Variants in ARHGAP15 observed in about 807,000 individuals in gnomAD.
ARHGAP15 encodes Rho GTPase activating protein 15, also known as rho GTPase-activating protein 15.
A neutral mutation model predicts 63.7 loss-of-function variants in ARHGAP15; 51 were observed. The ratio of observed to expected loss-of-function variants is 0.80; its 90% CI spans 0.64 to 1.01. The LOEUF (loss-of-function observed/expected upper bound fraction) is 1.01. ARHGAP15 is among the 50% of genes least tolerant of loss of function. ARHGAP15 has a pLI of 0.00. For synonymous variants in ARHGAP15, 191 were observed against 193.8 expected (o/e 0.99, Z 0.12); for missense variants, 560 against 564.6 (o/e 0.99, Z 0.08).
intron 13 of ARHGAP15, among the ~76,000 whole-genome samples, chr2:143,716,137 C>T (rs1312922567): frequency 1.3e-5 from 2 of 152,064 alleles, no homozygotes; most frequent in Non-Finnish European, 2.9e-5. Context: ...AACTATGTAA[C>T]AAACCGGCAC....
intron 6 of ARHGAP15, among the ~76,000 whole-genome samples, chr2:143,394,940 T>A (rs1160237324): frequency 1.3e-5 from 2 of 152,052 alleles, no homozygotes; most frequent in African/African-American, 2.4e-5. Flanking sequence ...AATTTGAAAG[T>A]GGTCGAAATT....
intron 12 of ARHGAP15, among the ~76,000 whole-genome samples, chr2:143,682,424 T>C (rs1439024797): frequency 6.6e-6 from 1 of 152,166 alleles, no homozygotes; most frequent in African/African-American, 2.4e-5. Flanking sequence ...GCAATGAATG[T>C]GACTTTAAGA....
At chr2:143,177,046 C>T (rs1352645957) in intron 2 of ARHGAP15, among the ~76,000 whole-genome samples, 1 of 152,164 alleles carries the variant, frequency 6.6e-6, no homozygotes, top group Non-Finnish European at 1.5e-5. Flanking sequence ...CTTAAGGAGT[C>T]ACTTTCTTGG....
intron 6 of ARHGAP15, among the ~76,000 whole-genome samples, chr2:143,286,107 T>A (rs1447994777): frequency 6.6e-6 from 1 of 152,256 alleles, no homozygotes; most frequent in Non-Finnish European, 1.5e-5. Context: ...ATTTTCTGTC[T>A]GTATTTGAGT....
chr2:143,169,576 A>C lies in ARHGAP15; in HGVS notation c.165+13921A>C, dbSNP rs544371698. Among the ~76,000 whole-genome samples, 115 of 152,026 alleles carry C rather than the reference A, an allele frequency of 7.6e-4. 2 individuals are homozygous for C. The highest frequency in any genetic ancestry group is 1.5e-3 in the Non-Finnish European group (103 of 67,974). On this transcript the variant is annotated intron_variant, in intron 2 of 13. Coordinates refer to ENST00000295095, the MANE Select transcript of ARHGAP15 (RefSeq NM_018460.4). ...TCAGGTGGTTATTTGCATAAATGAA[A>C]CTTTGGAACACATTATCCTTTGCTG...
intron 13 of ARHGAP15, among the ~76,000 whole-genome samples, chr2:143,712,194 C>T (rs114801421): frequency 6.2e-4 from 94 of 152,222 alleles, no homozygotes; most frequent in African/African-American, 2.1e-3. Context: ...GTAGATGCAA[C>T]AGAACATGTG....
intron 6 of ARHGAP15, among the ~76,000 whole-genome samples, chr2:143,254,293 C>T (rs1574158872): frequency 6.6e-6 from 1 of 152,136 alleles, no homozygotes; most frequent in Admixed American, 6.6e-5. Flanking sequence ...GGCAGCCTCC[C>T]TCACACAAGC....
chr2:143,176,980 G>A (rs1869009), intron 2 of ARHGAP15, among the ~76,000 whole-genome samples: 50,739 of 151,978 alleles, frequency 0.33, 8,651 homozygotes, highest in South Asian at 0.47. Flanking sequence ...AGGAGCCAGT[G>A]TTCCAAGAGG....
chr2:143,575,229 ATTACT>A (rs1696631287), intron 11 of ARHGAP15, among the ~76,000 whole-genome samples: 1 of 152,114 alleles, frequency 6.6e-6, no homozygotes, highest in African/African-American at 2.4e-5. Flanking sequence ...CACTTTAAAG[ATTACT>A]TTTACTACTT....
rs559012771 is a variant in ARHGAP15 at position 143,755,860 on chromosome 2, G to A, written c.1245-12129G>A. On this transcript the variant is annotated intron_variant, in intron 13 of 13. Coordinates refer to ENST00000295095, the MANE Select transcript of ARHGAP15 (RefSeq NM_018460.4). ...GGGTGCCTGTAATCCTAGCTACTTGGGAGGCTGAGGCAGGAGAATTACTTG... is the reference window on the plus strand; with the variant it reads ...GGGTGCCTGTAATCCTAGCTACTTGAGAGGCTGAGGCAGGAGAATTACTTG... 2.0e-5 allele frequency among the ~76,000 whole-genome samples: 3 copies of A among 152,176 alleles called. No individual in the cohort carries two copies. The East Asian group carries it at 5.8e-4, about 29-fold the overall frequency.
At chr2:143,526,136 T>C (rs757228406) in intron 10 of ARHGAP15, among the ~76,000 whole-genome samples, 1 of 151,496 alleles carries the variant, frequency 6.6e-6, no homozygotes, top group Non-Finnish European at 1.5e-5. Context: ...TTCACATATT[T>C]ATTAGTGACA....
intron 10 of ARHGAP15, among the ~76,000 whole-genome samples, chr2:143,537,197 T>G (rs1694812155): frequency 6.6e-6 from 1 of 152,208 alleles, no homozygotes; most frequent in South Asian, 2.1e-4. Flanking sequence ...TGTCTGTTCA[T>G]ATCCTTTGCC....
intron 6 of ARHGAP15, among the ~76,000 whole-genome samples, chr2:143,359,398 C>G (rs1374535507): frequency 2.6e-5 from 4 of 152,098 alleles, no homozygotes; most frequent in Non-Finnish European, 5.9e-5. Context: ...TCATCAACAC[C>G]TTTCATAATT....
At chr2:143,426,843 A>G (rs567544594) in intron 6 of ARHGAP15, among the ~76,000 whole-genome samples, 2 of 152,312 alleles carry the variant, frequency 1.3e-5, no homozygotes, top group Admixed American at 1.3e-4. Context: ...TTTCATATGT[A>G]TCTTCTGTTC....
At chr2:143,552,856 G>C (rs1695631723) in intron 10 of ARHGAP15, among the ~76,000 whole-genome samples, 2 of 152,130 alleles carry the variant, frequency 1.3e-5, no homozygotes, top group South Asian at 4.1e-4. Flanking sequence ...TCTTGAAAGA[G>C]GTACCTCTCA....
At chr2:143,461,306 A>AAAAAAAAAAT (rs397986108) in intron 8 of ARHGAP15, among the ~76,000 whole-genome samples, 1 of 149,388 alleles carries the variant, frequency 6.7e-6, no homozygotes, top group African/African-American at 2.4e-5. Context: ...AAAAAAAAAA[A>AAAAAAAAAAT]CAGAACTCAA....
At chr2:143,209,150 T>C (rs1692471598) in intron 3 of ARHGAP15, among the ~76,000 whole-genome samples, 1 of 152,176 alleles carries the variant, frequency 6.6e-6, no homozygotes, top group South Asian at 2.1e-4. Flanking sequence ...AATAGTTCTA[T>C]TGATCAAGCT....
chr2:143,441,998 C>T (rs1689903568), intron 8 of ARHGAP15, among the ~76,000 whole-genome samples: 1 of 151,772 alleles, frequency 6.6e-6, no homozygotes, highest in Non-Finnish European at 1.5e-5. Flanking sequence ...ATGATGTGTG[C>T]AATAAGACAA....
intron 3 of ARHGAP15, among the ~76,000 whole-genome samples, chr2:143,202,761 T>G (rs545430585): frequency 3.3e-5 from 2 of 60,202 alleles, no homozygotes; most frequent in Non-Finnish European, 6.6e-5. Flanking sequence ...TAAATGTTGA[T>G]AGTTTTTTTT....
Sources: gnomAD v4.1 joint callset for allele counts (sites outside exome capture counted in the v4.1 genomes callset) on GRCh38, gnomAD v4.1.1 for gene constraint, MANE v1.5 for transcripts, NCBI Gene and HGNC (gene_info 2026-07-23, HGNC 2026-07-21) for gene names.